The following CERK variants were observed in gnomAD, a reference collection of about 807,000 sequenced individuals.
CERK encodes the protein ceramide kinase.
CERK carries 39 observed loss-of-function variants against 63.4 expected under a neutral mutation model. The observed-to-expected ratio is 0.61, with a 90% confidence interval of 0.48 to 0.80. The LOEUF is 0.80. Among genes scored for constraint, CERK ranks in the 30% least tolerant of loss-of-function variants. The probability of loss-of-function intolerance (pLI) is 0.00; values close to 1 mark genes in which losing one functional copy is unlikely to be tolerated. For synonymous variants in CERK, 302 were observed against 280.0 expected (o/e 1.08, Z -0.78); for missense variants, 670 against 714.1 (o/e 0.94, Z 0.70).
At chr22:46,706,643 G>A (rs549913142) in intron 6 of CERK, among the ~76,000 whole-genome samples, 59 of 152,194 alleles carry the variant, frequency 3.9e-4, no homozygotes, top group African/African-American at 1.4e-3. Context: ...ACTGCATCAC[G>A]CCTTCCCTAA....
At chr22:46,704,608 C>T (rs889881796) in intron 6 of CERK, among the ~76,000 whole-genome samples, 4 of 152,004 alleles carry the variant, frequency 2.6e-5, no homozygotes, top group African/African-American at 4.8e-5. Flanking sequence ...GGGCAGATCA[C>T]GAGGTCAGGA....
rs1300645495 is a variant in CERK, at chr22:46,691,596, G to C, written c.1308C>G (p.Ile436Met). The change falls in exon 11 of 13, where the codon ATC becomes ATG. Residue 436 changes from isoleucine to methionine, a missense_variant. Physicochemically the swap from Ile to Met is conservative, Grantham distance 10. Coordinates refer to ENST00000216264, the MANE Select transcript of CERK (RefSeq NM_022766.6). ...CSRFNFLRFL[I>M]RHTNQQDQFD... ...CCTGGTCCTGCTGGTTGGTGTGCCTGATGAGAAATCTCAGAAAATTGAACC... is the reference window on the plus strand; with the variant it reads ...CCTGGTCCTGCTGGTTGGTGTGCCTCATGAGAAATCTCAGAAAATTGAACC... The C allele has an allele frequency of 1.9e-6, 3 of 1,613,924 alleles. No individual in the cohort carries two copies. Among genetic ancestry groups the C allele is most frequent in the Admixed American group, 3.3e-5 (2 of 60,008 alleles).
rs1222320080 is a variant in CERK at position 46,712,311 on chromosome 22, G to A, written c.380-18C>T. On this transcript the variant is annotated intron_variant, in intron 3 of 12. Transcript: ENST00000216264. ...TCTGGACGCTGTAAGACAACAACAT[G>A]TAAATAACAACGAAAATAACAAAAT... 1 of 1,609,816 alleles carries A rather than the reference G, an allele frequency of 6.2e-7. No homozygotes were observed. Among genetic ancestry groups the A allele is most frequent in the Non-Finnish European group, 8.5e-7 (1 of 1,178,034 alleles).
chr22:46,706,049 C>T (rs1258624589), intron 6 of CERK, among the ~76,000 whole-genome samples: 1 of 152,228 alleles, frequency 6.6e-6, no homozygotes, highest in Non-Finnish European at 1.5e-5. Context: ...AACAAAAAGA[C>T]AAGCCGTGAT....
At chr22:46,707,792 T>C (rs372563871) in intron 6 of CERK, 51 bp downstream of exon 6, 7 of 1,560,404 alleles carry the variant, frequency 4.5e-6, no homozygotes, top group Non-Finnish European at 5.2e-6. Context: ...TGCAGAACAA[T>C]TCCTAAGGAC....
chr22:46,725,473 C>G (rs1011190564), intron 1 of CERK, among the ~76,000 whole-genome samples: 1 of 152,176 alleles, frequency 6.6e-6, no homozygotes, highest in African/African-American at 2.4e-5. Context: ...CGGCACCAAG[C>G]AGCATCCCCG....
At chr22:46,720,877 G>T in intron 2 of CERK, 25 bp downstream of exon 2, 1 of 1,368,280 alleles carries the variant, frequency 7.3e-7, no homozygotes, top group South Asian at 1.2e-5. Flanking sequence ...TGAAGAATGT[G>T]GGAGAAGACA....
intron 1 of CERK, among the ~76,000 whole-genome samples, chr22:46,727,698 T>C (rs1462663718): frequency 6.6e-6 from 1 of 151,992 alleles, no homozygotes; most frequent in Admixed American, 6.6e-5. Flanking sequence ...AGCCTAAGGG[T>C]GCTGTGGTCC....
Position 46,703,828 on chromosome 22 carries a change from G to A in CERK, c.716-2118C>T, listed in dbSNP as rs1239901863. 5.3e-5 allele frequency among the ~76,000 whole-genome samples: 8 copies of A among 151,920 alleles called. No individual in the cohort carries two copies. In the South Asian group the frequency reaches 1.0e-3, roughly 20 times the overall value. ...CCTGCTGCATGGCAGAGTGGAACTC[G>A]GCATCTCCCTCGGGCCCTGCCCTGC... On this transcript the variant is annotated intron_variant, in intron 6 of 12. Transcript: ENST00000216264.
chr22:46,720,931 T>C lies in CERK; in HGVS notation c.227A>G (p.Gln76Arg). Reference protein sequence around the residue: ...HGKHQGSGKWQKMEKPYAFTV... With the variant: ...HGKHQGSGKWRKMEKPYAFTV... ...AAAAGCGTAAGGCTTTTCCATTTTC[T>C]GCCATTTTCCACTGCCTTGATGTTT... The change falls in exon 2 of 13, where the codon CAG becomes CGG. Residue 76 changes from glutamine (Q) to arginine (R), a missense_variant. By Grantham distance (43) the Gln-to-Arg change is conservative (BLOSUM62 1). Transcript: ENST00000216264. 5 of 1,612,796 alleles carry C rather than the reference T, an allele frequency of 3.1e-6. No homozygotes were observed. The highest frequency in any genetic ancestry group is 3.4e-6 in the Non-Finnish European group (4 of 1,178,864).
At chr22:46,715,556 C>T (rs1473081694) in intron 3 of CERK, among the ~76,000 whole-genome samples, 2 of 152,118 alleles carry the variant, frequency 1.3e-5, no homozygotes, top group Non-Finnish European at 2.9e-5. Flanking sequence ...CACAGTGGTT[C>T]GTGCCTGTAG....
intron 1 of CERK, among the ~76,000 whole-genome samples, chr22:46,733,906 G>C (rs950843479): frequency 1.3e-5 from 2 of 151,888 alleles, no homozygotes; most frequent in Non-Finnish European, 2.9e-5. Flanking sequence ...GCTGGTGGCA[G>C]GTGCCCATAA....
At chr22:46,707,611 T>C (rs1232424564) in intron 6 of CERK, among the ~76,000 whole-genome samples, 6 of 152,226 alleles carry the variant, frequency 3.9e-5, no homozygotes, top group Non-Finnish European at 8.8e-5. Flanking sequence ...TTCTCCTGCC[T>C]TGCGTGAAGC....
chr22:46,717,023 C>T (rs8140000), intron 3 of CERK, among the ~76,000 whole-genome samples: 4,688 of 152,088 alleles, frequency 0.031, 246 homozygotes, highest in African/African-American at 0.11. Context: ...AAGACTTGAA[C>T]AGAACCTCAC....
chr22:46,702,569 G>C (rs1020776232), intron 6 of CERK, among the ~76,000 whole-genome samples: 1 of 152,286 alleles, frequency 6.6e-6, no homozygotes, highest in Non-Finnish European at 1.5e-5. Flanking sequence ...GGGATTAGGC[G>C]TGAGCCACCA....
At chr22:46,724,411 C>A (rs1040728585) in intron 1 of CERK, among the ~76,000 whole-genome samples, 1 of 152,114 alleles carries the variant, frequency 6.6e-6, no homozygotes, top group Non-Finnish European at 1.5e-5. Context: ...GGCGCTAACC[C>A]CCATGTTGTT....
chr22:46,715,635 A>C (rs992298150), intron 3 of CERK, among the ~76,000 whole-genome samples: 1 of 152,056 alleles, frequency 6.6e-6, no homozygotes, highest in Non-Finnish European at 1.5e-5. Flanking sequence ...ACAGTGAGCT[A>C]TGATCGCATA....
intron 8 of CERK, among the ~76,000 whole-genome samples, chr22:46,695,736 G>A (rs1036692195): frequency 5.3e-5 from 8 of 152,246 alleles, no homozygotes; most frequent in African/African-American, 1.9e-4. Flanking sequence ...CCCCACTGGG[G>A]TCAGCCACAG....
chr22:46,706,964 G>A (rs181233843), intron 6 of CERK, among the ~76,000 whole-genome samples: 6 of 152,242 alleles, frequency 3.9e-5, no homozygotes, highest in East Asian at 1.9e-4. Flanking sequence ...AGTTGAGAGC[G>A]GCACCCACAG....
Sources: allele counts gnomAD v4.1 joint callset (sites outside exome capture counted in the v4.1 genomes callset), GRCh38; gene constraint gnomAD v4.1.1; transcripts MANE v1.5; gene names NCBI Gene and HGNC (gene_info 2026-07-23, HGNC 2026-07-21).